SNTG1: variants seen among roughly 807,000 people sequenced by gnomAD.
SNTG1 encodes the protein gamma-1-syntrophin.
A neutral mutation model predicts 74.7 loss-of-function variants in SNTG1; 39 were observed. The ratio of observed to expected loss-of-function variants is 0.52; its 90% CI spans 0.40 to 0.68. The LOEUF (loss-of-function observed/expected upper bound fraction) is 0.68, where lower values mean the gene tolerates loss of function less well. Among genes scored for constraint, SNTG1 ranks in the 30% least tolerant of loss-of-function variants. The pLI is 0.00. For synonymous variants in SNTG1, 254 were observed against 217.1 expected, an observed-to-expected ratio of 1.17 and a Z score of -1.49; for missense variants, 685 against 609.5, an observed-to-expected ratio of 1.12 and a Z score of -1.30.
intron 1 of SNTG1, among the ~76,000 whole-genome samples, chr8:50,057,961 AT>A (rs1820166879): frequency 6.6e-6 from 1 of 152,186 alleles, no homozygotes; most frequent in South Asian, 2.1e-4. Flanking sequence ...TATTATTTGC[AT>A]GTAATTTGAT....
intron 1 of SNTG1, among the ~76,000 whole-genome samples, chr8:49,948,411 A>C (rs1251803080): frequency 6.6e-6 from 1 of 152,194 alleles, no homozygotes; most frequent in African/African-American, 2.4e-5. Flanking sequence ...TGAAGATTGT[A>C]GATCTATTGT....
Position 49,937,700 on chromosome 8 carries a change from C to A in SNTG1, c.-103+25469C>A, listed in dbSNP as rs532613947. Among the ~76,000 whole-genome samples, 8 of 152,222 alleles carry A rather than the reference C, an allele frequency of 5.3e-5. No homozygotes were observed. The South Asian group carries it at 1.7e-3, about 32-fold the overall frequency. On this transcript the variant is annotated intron_variant, in intron 1 of 18. Coordinates refer to ENST00000642720, the MANE Select transcript of SNTG1 (RefSeq NM_018967.5). Reference sequence around the variant, plus strand: ...CAAATGATTAGGCTTTTTTCAACAACTAATGACAAGGGAAACCAGAGGTAA... The same window carrying A: ...CAAATGATTAGGCTTTTTTCAACAAATAATGACAAGGGAAACCAGAGGTAA...
intron 2 of SNTG1, among the ~76,000 whole-genome samples, chr8:50,228,252 C>T (rs909609999): frequency 1.3e-5 from 2 of 151,548 alleles, no homozygotes; most frequent in East Asian, 1.9e-4. Flanking sequence ...ATATAAAAAG[C>T]AAAAGGAATA....
At chr8:50,273,037 T>C (rs1462351674) in intron 2 of SNTG1, among the ~76,000 whole-genome samples, 1 of 152,158 alleles carries the variant, frequency 6.6e-6, no homozygotes, top group Non-Finnish European at 1.5e-5. Flanking sequence ...AGCATATTTT[T>C]AAATATTAGT....
In SNTG1 at chr8:50,395,506, G is replaced by GGTTTTTTTTTTT; in HGVS notation, c.27+1241_27+1242insGTTTTTTTTTTT. 1.5e-5 allele frequency among the ~76,000 whole-genome samples: 2 copies of GGTTTTTTTTTTT among 135,656 alleles called. 1 individual carries two copies. The highest frequency in any genetic ancestry group is 3.1e-5 in the Non-Finnish European group (2 of 64,850). 89.0% of individuals were successfully genotyped at this position (135,656 alleles called of 152,430 possible). On this transcript the variant is annotated intron_variant, in intron 3 of 18. Transcript: ENST00000642720. The stretch of plus-strand genomic sequence containing the variant: ...TTTAAATTTTAATTGTCTAATTTCT[G>GGTTTTTTTTTTT]TTTTTTTTTTTTTTTTTAATGGAGT...
At chr8:50,628,997 C>A (rs192149971) in intron 13 of SNTG1, among the ~76,000 whole-genome samples, 1 of 152,174 alleles carries the variant, frequency 6.6e-6, no homozygotes, top group East Asian at 1.9e-4. Flanking sequence ...TACATGATCT[C>A]ATTTATATGT....
At chr8:50,431,212 T>C (rs1417461722) in intron 4 of SNTG1, among the ~76,000 whole-genome samples, 1 of 152,220 alleles carries the variant, frequency 6.6e-6, no homozygotes, top group African/African-American at 2.4e-5. Flanking sequence ...TGTATAATGG[T>C]ATGCAATTTC....
intron 13 of SNTG1, among the ~76,000 whole-genome samples, chr8:50,609,259 G>A (rs971509812): frequency 6.6e-6 from 1 of 151,894 alleles, no homozygotes; most frequent in Non-Finnish European, 1.5e-5. Context: ...CTCACTTCTT[G>A]TTTATCTGGT....
chr8:50,474,971 G>T (rs187356217), intron 8 of SNTG1, among the ~76,000 whole-genome samples: 3 of 150,372 alleles, frequency 2.0e-5, no homozygotes, highest in South Asian at 2.1e-4. Flanking sequence ...GCAAACTATC[G>T]CAAGGACAAA....
intron 2 of SNTG1, among the ~76,000 whole-genome samples, chr8:50,308,423 C>A (rs560142223): frequency 6.6e-6 from 1 of 152,140 alleles, no homozygotes; most frequent in East Asian, 1.9e-4. Context: ...CTTGACCAAG[C>A]AAGCACATTG....
At chr8:50,100,800 G>C (rs1699883129) in intron 1 of SNTG1, among the ~76,000 whole-genome samples, 2 of 151,802 alleles carry the variant, frequency 1.3e-5, no homozygotes, top group Admixed American at 1.3e-4. Context: ...AATTATTTTA[G>C]GTTCAGGGAT....
chr8:50,490,237 T>A (rs2131875405), intron 8 of SNTG1, among the ~76,000 whole-genome samples: 1 of 152,316 alleles, frequency 6.6e-6, no homozygotes, highest in East Asian at 1.9e-4. Context: ...TTGCTCAGGA[T>A]CGCTTTGGCT....
chr8:50,067,550 C>T (rs556795887), intron 1 of SNTG1, among the ~76,000 whole-genome samples: 46 of 152,268 alleles, frequency 3.0e-4, no homozygotes, highest in African/African-American at 8.9e-4. Flanking sequence ...TTTTGTTAAA[C>T]CTTTTTTAGT....
At chr8:50,330,521 A>G (rs1297632458) in intron 2 of SNTG1, among the ~76,000 whole-genome samples, 3 of 151,962 alleles carry the variant, frequency 2.0e-5, no homozygotes, top group African/African-American at 7.3e-5. Flanking sequence ...AACTGTTTCA[A>G]CCTCTTCCTG....
rs960777234 is a variant in SNTG1, at chr8:50,752,168, A to G, written c.1395+57A>G. 2.1e-5 allele frequency: 20 copies of G among 952,086 alleles called. No homozygotes were observed. In the South Asian group the frequency reaches 3.5e-4, roughly 17 times the overall value. 59.0% of individuals were successfully genotyped at this position (952,086 alleles called of 1,614,324 possible). A position where few individuals can be genotyped will look rare whatever the true frequency, so the allele number is the denominator to read the frequency against. On this transcript the variant is annotated intron_variant, in intron 18 of 18. Transcript: ENST00000642720. ...CTAACTACATTAATGCCATTAAGGA[A>G]CAAAGAGGGGAAACTTTCGGGGAAT... is the stretch of plus-strand genomic sequence containing the variant.
chr8:50,718,665 C>G (rs180906540), intron 17 of SNTG1, among the ~76,000 whole-genome samples: 2 of 152,280 alleles, frequency 1.3e-5, no homozygotes, highest in East Asian at 3.9e-4. Flanking sequence ...CAAAATCCCA[C>G]TGTCAGTCAA....
intron 1 of SNTG1, among the ~76,000 whole-genome samples, chr8:49,940,992 A>G (rs1397173659): frequency 6.6e-6 from 1 of 152,128 alleles, no homozygotes; most frequent in East Asian, 1.9e-4. Context: ...CACTGTTGGA[A>G]CAGCCCTTGC....
intron 8 of SNTG1, among the ~76,000 whole-genome samples, chr8:50,457,255 C>A (rs906063802): frequency 2.4e-4 from 36 of 152,254 alleles, no homozygotes; most frequent in Admixed American, 4.6e-4. Context: ...TTTGTTAAAG[C>A]CCACAGAGCT....
At chr8:49,938,607 C>CTTTTCTTTTCT (rs60669251) in intron 1 of SNTG1, among the ~76,000 whole-genome samples, 1,610 of 27,224 alleles carry the variant, frequency 0.059, 17 homozygotes, top group Non-Finnish European at 0.099. Flanking sequence ...CTTTTCTTTT[C>CTTTTCTTTTCT]TTTCTTTCTT....
Sources: gnomAD v4.1 joint callset for allele counts (sites outside exome capture counted in the v4.1 genomes callset) on GRCh38, gnomAD v4.1.1 for gene constraint, MANE v1.5 for transcripts, NCBI Gene and HGNC (gene_info 2026-07-23, HGNC 2026-07-21) for gene names.